The following PPP4R1 variants were observed in gnomAD, a reference collection of about 807,000 sequenced individuals.
PPP4R1 encodes serine/threonine-protein phosphatase 4 regulatory subunit 1.
In PPP4R1, 42 loss-of-function variants were observed where a neutral mutation model predicts 111.2. That is an observed-to-expected ratio of 0.38 (90% CI 0.29 to 0.49). PPP4R1 has a LOEUF of 0.49. Among genes scored for constraint, PPP4R1 ranks in the 20% least tolerant of loss-of-function variants. The probability of loss-of-function intolerance (pLI) is 0.97; values close to 1 mark genes in which losing one functional copy is unlikely to be tolerated. For synonymous variants in PPP4R1, 409 were observed against 405.5 expected, an observed-to-expected ratio of 1.01 and a Z score of -0.10; for missense variants, 1,012 against 1,161.6, an observed-to-expected ratio of 0.87 and a Z score of 1.87.
chr18:9,614,170 C>A lies in PPP4R1; in HGVS notation c.52+56G>T. ...CCGGCCCAGGCCTCGCCGCCGCCCG[C>A]CCTCCCCGGCCGCTCCCCGCGGACT... On this transcript the variant is annotated intron_variant, in intron 2 of 19. Coordinates refer to ENST00000400556, the MANE Select transcript of PPP4R1 (RefSeq NM_001042388.3). The surrounding 1 kb of genome is among the most constrained non-coding windows in gnomAD (Gnocchi z 4.1). 1 of 1,286,628 alleles carries A rather than the reference C, an allele frequency of 7.8e-7. No individual in the cohort carries two copies. Among genetic ancestry groups the A allele is most frequent in the South Asian group, 2.0e-5 (1 of 49,392 alleles). 79.7% of individuals were successfully genotyped at this position (1,286,628 alleles called of 1,614,324 possible).
intron 10 of PPP4R1, 66 bp from the exon 11 acceptor site, chr18:9,570,749 G>T: frequency 6.9e-7 from 1 of 1,454,292 alleles, no homozygotes; most frequent in Non-Finnish European, 9.1e-7. Flanking sequence ...AAAAACTGAT[G>T]AAAGATATTA....
intron 2 of PPP4R1, among the ~76,000 whole-genome samples, chr18:9,612,874 A>G (rs927121641): frequency 1.3e-5 from 2 of 152,208 alleles, no homozygotes; most frequent in Non-Finnish European, 2.9e-5. Context: ...AGACTTAGCA[A>G]AAGTTTGGAT....
At chr18:9,585,159 A>AAAAC (rs201375084) in intron 6 of PPP4R1, among the ~76,000 whole-genome samples, 3 of 152,142 alleles carry the variant, frequency 2.0e-5, no homozygotes, top group African/African-American at 7.2e-5. Context: ...TTTTAAAAGC[A>AAAAC]AAACAAACAA....
chr18:9,594,725 A>C, intron 3 of PPP4R1: 1 of 317,144 alleles, frequency 3.2e-6, no homozygotes, highest in Non-Finnish European at 6.0e-6. Context: ...TGAAGGAATA[A>C]TGTACTTCCC....
intron 14 of PPP4R1, among the ~76,000 whole-genome samples, chr18:9,558,948 G>A (rs1000943686): frequency 3.9e-5 from 6 of 152,084 alleles, no homozygotes; most frequent in Admixed American, 2.0e-4. Context: ...CAAGAACCAC[G>A]GAACTTCTCC....
intron 11 of PPP4R1, among the ~76,000 whole-genome samples, chr18:9,564,532 G>A (rs1208865001): frequency 6.6e-6 from 1 of 152,086 alleles, no homozygotes; most frequent in Non-Finnish European, 1.5e-5. Context: ...AGTTGTAGTG[G>A]AATATTTTCA....
intron 10 of PPP4R1, among the ~76,000 whole-genome samples, chr18:9,576,334 A>C (rs2066935075): frequency 6.6e-6 from 1 of 152,188 alleles, no homozygotes; most frequent in African/African-American, 2.4e-5. Context: ...TAACTGTAAA[A>C]GTTTGTGTAC....
At chr18:9,614,661 T>G (rs1429001392), upstream of PPP4R1, 15 of 145,356 alleles carry the variant, frequency 1.0e-4, no homozygotes, top group African/African-American at 3.3e-4. The surrounding 1 kb of genome is among the most constrained non-coding windows in gnomAD (Gnocchi z 4.1). Context: ...GCGGCGCGGC[T>G]CCCGGCCGCC....
At chr18:9,558,203 C>G (rs1225420241) in intron 14 of PPP4R1, among the ~76,000 whole-genome samples, 2 of 152,100 alleles carry the variant, frequency 1.3e-5, no homozygotes, top group Non-Finnish European at 2.9e-5. Context: ...CCAGAATCCA[C>G]TCTTGAAATA....
chr18:9,616,860 T>C (rs1043624440), upstream of PPP4R1, among the ~76,000 whole-genome samples: 2 of 152,230 alleles, frequency 1.3e-5, no homozygotes. Context: ...GTATCATTTT[T>C]CTGTATTCAA....
intron 10 of PPP4R1, among the ~76,000 whole-genome samples, chr18:9,571,753 G>A (rs979525482): frequency 2.0e-5 from 3 of 152,154 alleles, no homozygotes; most frequent in Admixed American, 6.5e-5. Flanking sequence ...AAGGTGTGAC[G>A]CATTCAGGAA....
chr18:9,591,721 A>G (rs2067214885), intron 4 of PPP4R1, among the ~76,000 whole-genome samples: 1 of 152,186 alleles, frequency 6.6e-6, no homozygotes, highest in African/African-American at 2.4e-5. Flanking sequence ...TCCAGAGGTT[A>G]GCCTTGGAAT....
At chr18:9,560,204 C>T (rs2066650834) in intron 13 of PPP4R1, among the ~76,000 whole-genome samples, 2 of 152,134 alleles carry the variant, frequency 1.3e-5, no homozygotes, top group Non-Finnish European at 2.9e-5. Flanking sequence ...CACTTGAGCC[C>T]AGGGAGGTGG....
chr18:9,585,884 A>T (rs113308072), intron 6 of PPP4R1, among the ~76,000 whole-genome samples: 23 of 152,256 alleles, frequency 1.5e-4, no homozygotes, highest in African/African-American at 5.5e-4. Context: ...ACCTAAATAA[A>T]TAGATCTACC....
chr18:9,610,898 A>AG (rs1385243949), intron 2 of PPP4R1, among the ~76,000 whole-genome samples: 10 of 151,694 alleles, frequency 6.6e-5, no homozygotes, highest in African/African-American at 2.4e-4. Context: ...ACACACACAA[A>AG]TACCATCCAT....
At chr18:9,610,807 T>G (rs2067565696) in intron 2 of PPP4R1, among the ~76,000 whole-genome samples, 1 of 152,112 alleles carries the variant, frequency 6.6e-6, no homozygotes. Context: ...TTTACTTACC[T>G]TTATAAGTTA....
At chr18:9,552,018 A>C (rs1279847668) in intron 16 of PPP4R1, 1 of 152,392 alleles carries the variant, frequency 6.6e-6, no homozygotes, top group Non-Finnish European at 1.5e-5. Context: ...ACTATATGGC[A>C]GAAGAGGAGG....
At chr18:9,566,990 A>G (rs1408054245) in intron 11 of PPP4R1, among the ~76,000 whole-genome samples, 3 of 152,226 alleles carry the variant, frequency 2.0e-5, no homozygotes. Flanking sequence ...TCTGCAGCCC[A>G]AGGATCAAGG....
At chr18:9,588,048 A>T (rs1394807558) in intron 6 of PPP4R1, 41 bp downstream of exon 6, 1 of 1,610,904 alleles carries the variant, frequency 6.2e-7, no homozygotes. Flanking sequence ...ACCTCTTATC[A>T]GCCACATTTT....
Sources: allele counts gnomAD v4.1 joint callset (sites outside exome capture counted in the v4.1 genomes callset), GRCh38; gene constraint gnomAD v4.1.1; non-coding constraint Gnocchi (gnomAD v3.1); transcripts MANE v1.5; gene names NCBI Gene and HGNC (gene_info 2026-07-23, HGNC 2026-07-21).